The following TNRC6B variants were observed in gnomAD, a reference collection of about 807,000 sequenced individuals.
The protein encoded by TNRC6B is trinucleotide repeat containing adaptor 6B.
In TNRC6B, 52 loss-of-function variants were observed where a neutral mutation model predicts 203.6. That is an observed-to-expected ratio of 0.26 (90% CI 0.20 to 0.32). The LOEUF (loss-of-function observed/expected upper bound fraction) is 0.32. TNRC6B is among the 10% of genes least tolerant of loss of function. The pLI, the probability that TNRC6B is intolerant of heterozygous loss-of-function variation, is 1.00. For missense variants in TNRC6B, 1,923 were observed against 2,286.2 expected (o/e 0.84, Z 3.24); for synonymous variants, 838 against 845.7 (o/e 0.99, Z 0.16).
chr22:40,145,768 G>C (rs1334048240), intron 3 of TNRC6B, among the ~76,000 whole-genome samples: 1 of 152,130 alleles, frequency 6.6e-6, no homozygotes, highest in Non-Finnish European at 1.5e-5. Flanking sequence ...CTTGAACCCA[G>C]GAGGCAGAGG....
intron 12 of TNRC6B, among the ~76,000 whole-genome samples, chr22:40,294,358 G>A (rs1410314844): frequency 4.6e-5 from 7 of 152,124 alleles, no homozygotes; most frequent in African/African-American, 9.7e-5. Flanking sequence ...ATCATCATCC[G>A]ATGTTCTCCC....
chr22:40,270,134 G>A lies in TNRC6B; in HGVS notation c.2819G>A (p.Ser940Asn). The change falls in exon 6 of 23, where the codon AGC (serine) becomes AAC (asparagine). Residue 940 changes from serine to asparagine, a missense_variant. Around this residue, in one of 8 missense-constraint regions of TNRC6B, gnomAD observed 599 missense variants for 656.5 expected, o/e 0.91. Coordinates refer to ENST00000454349, the MANE Select transcript of TNRC6B (RefSeq NM_001162501.2). Reference protein sequence around the residue: ...TSKSASVWSKSTPPAPDNGTS... With the variant: ...TSKSASVWSKNTPPAPDNGTS... ...CCTTTCTTTATAGTCTGGAGCAAAAGCACACCACCTGCTCCAGATAATGGT... is the reference window on the plus strand; with the variant it reads ...CCTTTCTTTATAGTCTGGAGCAAAAACACACCACCTGCTCCAGATAATGGT... The A allele has an allele frequency of 6.3e-7, 1 of 1,586,820 alleles. No individual in the cohort carries two copies. The highest frequency in any genetic ancestry group is 1.2e-5 in the South Asian group (1 of 86,818).
intron 1 of TNRC6B, among the ~76,000 whole-genome samples, chr22:40,179,415 C>A (rs917068557): frequency 6.6e-6 from 1 of 150,916 alleles, no homozygotes. Flanking sequence ...CTCTTTTTTT[C>A]CTAATTTGTA....
At chr22:40,071,925 A>G (rs1362540437) in intron 1 of TNRC6B, among the ~76,000 whole-genome samples, 5 of 152,182 alleles carry the variant, frequency 3.3e-5, no homozygotes, top group African/African-American at 7.2e-5. Context: ...TGGCGCGATC[A>G]TAGCTCACTA....
chr22:40,223,796 TG>T (rs1468142455), intron 1 of TNRC6B, among the ~76,000 whole-genome samples: 2 of 152,250 alleles, frequency 1.3e-5, no homozygotes, highest in Non-Finnish European at 2.9e-5. Flanking sequence ...ATAGGATAGC[TG>T]GGTCAAAGAC....
At chr22:40,297,171 C>T (rs1358516845) in intron 12 of TNRC6B, among the ~76,000 whole-genome samples, 4 of 152,132 alleles carry the variant, frequency 2.6e-5, no homozygotes, top group Non-Finnish European at 4.4e-5. Context: ...TTTAACAGGC[C>T]GTTTGACAAC....
chr22:40,269,000 T>C (rs954440877), intron 5 of TNRC6B, among the ~76,000 whole-genome samples: 4 of 151,552 alleles, frequency 2.6e-5, no homozygotes, highest in Non-Finnish European at 5.9e-5. Flanking sequence ...TTGTGTCCCA[T>C]TCAAAAATTT....
chr22:40,273,988 G>C (rs1044962769), intron 7 of TNRC6B, among the ~76,000 whole-genome samples: 1 of 152,158 alleles, frequency 6.6e-6, no homozygotes, highest in African/African-American at 2.4e-5. Context: ...GGCAACTGGG[G>C]TCCTCAAGGT....
intron 2 of TNRC6B, among the ~76,000 whole-genome samples, chr22:40,247,888 T>C (rs546439869): frequency 2.0e-5 from 3 of 151,964 alleles, no homozygotes; most frequent in Non-Finnish European, 2.9e-5. Flanking sequence ...CTTGCCAACA[T>C]GAAAACCCCG....
chr22:40,208,318 A>AGG (rs1176903712), intron 1 of TNRC6B, among the ~76,000 whole-genome samples: 2 of 152,192 alleles, frequency 1.3e-5, no homozygotes, highest in African/African-American at 4.8e-5. Context: ...CCTACCCCAC[A>AGG]GAAGAGCTGT....
At chr22:40,211,508 C>T (rs1164833909) in intron 1 of TNRC6B, among the ~76,000 whole-genome samples, 1 of 152,140 alleles carries the variant, frequency 6.6e-6, no homozygotes, top group East Asian at 1.9e-4. Flanking sequence ...TTACGTATAT[C>T]ATTTGTCGTC....
At chr22:40,060,332 C>T (rs2067839408) in intron 1 of TNRC6B, among the ~76,000 whole-genome samples, 1 of 151,946 alleles carries the variant, frequency 6.6e-6, no homozygotes, top group Non-Finnish European at 1.5e-5. Context: ...GTGTGTGCCA[C>T]CACACCCGGC....
chr22:40,132,930 C>A, intron 3 of TNRC6B, among the ~76,000 whole-genome samples: 1 of 86,538 alleles, frequency 1.2e-5, no homozygotes, highest in South Asian at 5.1e-4. Flanking sequence ...GGGGACAGAG[C>A]AAGACTCTGT....
chr22:40,110,021 T>C (rs575787839), intron 1 of TNRC6B, among the ~76,000 whole-genome samples: 35 of 152,238 alleles, frequency 2.3e-4, no homozygotes, highest in Non-Finnish European at 4.1e-4. Flanking sequence ...AGAAGCAGTA[T>C]ACATCTAAAA....
rs1174631493 is a variant in TNRC6B at position 40,273,464 on chromosome 22, G to T, written c.3005G>T (p.Gly1002Val). The change falls in exon 7 of 23, where the codon GGG becomes GTG. Residue 1002 changes from glycine (G) to valine (V), a missense_variant. Gly to Val is a moderately radical substitution (Grantham distance 109, BLOSUM62 -3). Around this residue, in one of 8 missense-constraint regions of TNRC6B, gnomAD observed 599 missense variants for 656.5 expected, o/e 0.91. Transcript: ENST00000454349. ...CAAGACGGCTGGGGGGAGAGTGACG[G>T]GCCAGTCACAGGAGCTCGCCATCCC... ...SMQDGWGESD[G>V]PVTGARHPSW... 6.2e-7 allele frequency: 1 copy of T among 1,610,348 alleles called. No homozygotes were observed. Among genetic ancestry groups the T allele is most frequent in the Admixed American group, 1.7e-5 (1 of 59,558 alleles).
chr22:40,294,159 G>A (rs1246941606), intron 12 of TNRC6B, among the ~76,000 whole-genome samples: 2 of 151,950 alleles, frequency 1.3e-5, no homozygotes, highest in East Asian at 1.9e-4. Context: ...AGGCTGAGTT[G>A]GGAAAATCAC....
intron 6 of TNRC6B, among the ~76,000 whole-genome samples, chr22:40,270,877 A>C (rs2070553241): frequency 6.6e-6 from 1 of 152,192 alleles, no homozygotes. Flanking sequence ...TAGCCCAGTG[A>C]CTATGTGCTC....
rs2044025404 is a variant in TNRC6B at position 40,335,677 on chromosome 22, T to A, written c.*12436T>A. Reference sequence around the variant, plus strand: ...TATTTTTGTTTTTGTTTAGTTTTTTTATTTTATTTTATTTTGGAAAGATAT... The same window carrying A: ...TATTTTTGTTTTTGTTTAGTTTTTTAATTTTATTTTATTTTGGAAAGATAT... On this transcript the variant is annotated 3_prime_UTR_variant, in exon 23 of 23. Coordinates refer to ENST00000454349, the MANE Select transcript of TNRC6B (RefSeq NM_001162501.2). The A allele has an allele frequency of 6.6e-6, 1 of 151,690 alleles. No individual in the cohort carries two copies. The highest frequency in any genetic ancestry group is 1.5e-5 in the Non-Finnish European group (1 of 67,846). 9.4% of individuals were successfully genotyped at this position (151,690 alleles called of 1,614,324 possible). A position where few individuals can be genotyped will look rare whatever the true frequency, so the allele number is the denominator to read the frequency against.
chr22:40,240,440 C>A (rs928863047), intron 1 of TNRC6B, among the ~76,000 whole-genome samples: 14 of 152,136 alleles, frequency 9.2e-5, no homozygotes, highest in African/African-American at 3.4e-4. Context: ...TAGTACAGCA[C>A]ACTGGGGTAA....
Sources: gnomAD v4.1 joint callset for allele counts (sites outside exome capture counted in the v4.1 genomes callset) on GRCh38, gnomAD v4.1.1 for gene constraint, gnomAD v4.1.1 regional missense constraint, MANE v1.5 for transcripts, NCBI Gene and HGNC (gene_info 2026-07-23, HGNC 2026-07-21) for gene names.